Variants in HSCB observed in about 807,000 individuals in gnomAD.
The protein encoded by HSCB is HscB mitochondrial iron-sulfur cluster cochaperone.
Under a neutral mutation model 31.3 loss-of-function variants are expected in HSCB, and 23 were observed. The ratio of observed to expected loss-of-function variants is 0.74; its 90% CI spans 0.53 to 1.04. The LOEUF is 1.04. Among genes scored for constraint, HSCB ranks in the 50% least tolerant of loss-of-function variants. The probability of loss-of-function intolerance (pLI) is 0.00; values close to 1 mark genes in which losing one functional copy is unlikely to be tolerated. For missense variants in HSCB, 297 were observed against 288.1 expected, an observed-to-expected ratio of 1.03 and a Z score of -0.22; for synonymous variants, 110 against 104.5, an observed-to-expected ratio of 1.05 and a Z score of -0.32.
chr22:28,748,067 G>C (rs1023396627), intron 4 of HSCB, among the ~76,000 whole-genome samples: 4 of 152,162 alleles, frequency 2.6e-5, no homozygotes, highest in Admixed American at 2.6e-4. Flanking sequence ...CGCCTGTAGT[G>C]CCAGCTACTC....
chr22:28,748,475 T>A (rs1257609156), intron 4 of HSCB, among the ~76,000 whole-genome samples: 1 of 152,022 alleles, frequency 6.6e-6, no homozygotes, highest in African/African-American at 2.4e-5. Flanking sequence ...CCCTTCACTG[T>A]CACTGGAATC....
rs17886090 is a variant in HSCB at position 28,742,313 on chromosome 22, A to G, written c.218A>G (p.Tyr73Cys). ...CAGGCACCTGACCCCACTCGAGACT[A>G]CTTCAGCCTTATGGACTGGTACGAG... ...ALQAPDPTRDYFSLMDCNRSF... is the reference protein window; with the variant it reads ...ALQAPDPTRDCFSLMDCNRSF... The change falls in exon 1 of 6, where the codon TAC becomes TGC. Residue 73 changes from tyrosine to cysteine, a missense_variant. Physicochemically the swap from Tyr to Cys is radical, Grantham distance 194 (BLOSUM62 -2). Transcript: ENST00000216027. 2,931 of 1,613,826 alleles carry G rather than the reference A, an allele frequency of 1.8e-3. 5 individuals are homozygous for G. Among genetic ancestry groups the G allele is most frequent in the Non-Finnish European group, 2.3e-3 (2,695 of 1,179,972 alleles).
Position 28,742,067 on chromosome 22 carries a change from T to A in HSCB, c.-29T>A. 1 of 1,587,076 alleles carries A rather than the reference T, an allele frequency of 6.3e-7. No homozygotes were observed. The highest frequency in any genetic ancestry group is 1.3e-5 in the African/African-American group (1 of 74,512). ...CGCTCTCTTTGCTTTTCCCCACGAG[T>A]GACCACGGCTAGATAGGCCGCCGGC... On this transcript the variant is annotated 5_prime_UTR_variant, in exon 1 of 6. Transcript: ENST00000216027.
At position 28,756,361 on chromosome 22, in the gene HSCB, C is replaced by T. The variant is rs534793329; in HGVS notation, c.617-717C>T. Among the ~76,000 whole-genome samples, 3 of 152,124 alleles carry T rather than the reference C, an allele frequency of 2.0e-5. No homozygotes were observed. The South Asian group carries it at 6.2e-4, about 32-fold the overall frequency. Reference sequence around the variant, plus strand: ...ACCTGAACTGTAAGCCCCCTGAAGGCAGCTCTATGCCTCAGCACCTGGCAT... The same window carrying T: ...ACCTGAACTGTAAGCCCCCTGAAGGTAGCTCTATGCCTCAGCACCTGGCAT... On this transcript the variant is annotated intron_variant, in intron 5 of 5. Coordinates refer to ENST00000216027, the MANE Select transcript of HSCB (RefSeq NM_172002.5).
At chr22:28,746,898 C>CAA (rs71194793) in intron 4 of HSCB, among the ~76,000 whole-genome samples, 1 of 124,754 alleles carries the variant, frequency 8.0e-6, no homozygotes, top group Admixed American at 8.0e-5. Context: ...GACTCCGTCT[C>CAA]AAAAAAAAAA....
In HSCB at chr22:28,742,058, C is replaced by T. The variant is rs747981147; in HGVS notation, c.-38C>T. The T allele has an allele frequency of 3.8e-6, 6 of 1,574,000 alleles. No homozygotes were observed. In the African/African-American group the frequency reaches 5.4e-5, roughly 14 times the overall value. The stretch of plus-strand genomic sequence containing the variant: ...CTGGTTAGACGCTCTCTTTGCTTTT[C>T]CCCACGAGTGACCACGGCTAGATAG... On this transcript the variant is annotated 5_prime_UTR_variant, in exon 1 of 6. Transcript: ENST00000216027.
chr22:28,752,099 CA>C (rs993515685), intron 5 of HSCB, among the ~76,000 whole-genome samples: 2 of 135,816 alleles, frequency 1.5e-5, no homozygotes, highest in Non-Finnish European at 1.6e-5. Context: ...TCAAAACAAA[CA>C]AAAAAAAAAC....
At chr22:28,751,052 A>G (rs1242264891) in intron 4 of HSCB, among the ~76,000 whole-genome samples, 189 bp from the exon 5 acceptor site, 1 of 149,078 alleles carries the variant, frequency 6.7e-6, no homozygotes, top group African/African-American at 2.5e-5. Flanking sequence ...ATTAGGGTAA[A>G]CCAGAGTTGT....
chr22:28,748,263 G>A (rs1279565242), intron 4 of HSCB, among the ~76,000 whole-genome samples: 2 of 152,150 alleles, frequency 1.3e-5, no homozygotes, highest in African/African-American at 4.8e-5. Flanking sequence ...ATTCTGAGGA[G>A]GCCTTAACAA....
In HSCB at chr22:28,757,222, C is replaced by T; in HGVS notation, c.*53C>T. On this transcript the variant is annotated 3_prime_UTR_variant, in exon 6 of 6. Coordinates refer to ENST00000216027, the MANE Select transcript of HSCB (RefSeq NM_172002.5). ...AAAGTTCTTGCTGGGCACAGTGGCT[C>T]ACACCTGTAATCCCAGCACTTTGGG... is the stretch of plus-strand genomic sequence containing the variant. 1.1e-6 allele frequency: 1 copy of T among 943,780 alleles called. No homozygotes were observed. The highest frequency in any genetic ancestry group is 1.7e-6 in the Non-Finnish European group (1 of 586,176). The allele number at this position is 943,780 out of a possible 1,614,324, so 58.5% of individuals were successfully genotyped here. A position where few individuals can be genotyped will look rare whatever the true frequency, so the allele number is the denominator to read the frequency against.
intron 1 of HSCB, chr22:28,742,582 G>A (rs867763570): frequency 1.9e-6 from 1 of 539,532 alleles, no homozygotes; most frequent in Non-Finnish European, 3.1e-6. Flanking sequence ...GCTGAAGTTA[G>A]AGGAAATAGG....
chr22:28,742,188 G>A lies in HSCB; in HGVS notation c.93G>A (p.Ala31=). 1 of 1,613,912 alleles carries A rather than the reference G, an allele frequency of 6.2e-7. No homozygotes were observed. The highest frequency in any genetic ancestry group is 8.5e-7 in the Non-Finnish European group (1 of 1,179,970). Residue 31 remains alanine, a synonymous_variant, in exon 1 of 6, where the codon GCG becomes GCA. Transcript: ENST00000216027. ...PRRRPLSCDA[A]SQAGSNYPRC... ...GGAGACCGCTAAGCTGCGATGCTGC[G>A]TCGCAGGCGGGAAGCAATTATCCCC...
chr22:28,752,967 T>C (rs1178697021), intron 5 of HSCB, among the ~76,000 whole-genome samples: 1 of 151,138 alleles, frequency 6.6e-6, no homozygotes, highest in Non-Finnish European at 1.5e-5. Context: ...TAATCCCAGC[T>C]ACTCCGAAGG....
chr22:28,745,642 CCCAAGATCACA>C (rs1569183948), intron 3 of HSCB: 1 of 384,238 alleles, frequency 2.6e-6, no homozygotes, highest in Non-Finnish European at 4.6e-6. Context: ...GAATGACTAC[CCCAAGATCACA>C]CCAAGGTCAC....
rs762090982 is a variant in HSCB, at chr22:28,744,644, G to A, written c.363G>A (p.Ser121=). Residue 121 remains serine (S), a synonymous_variant, in exon 3 of 6, where the codon TCG becomes TCA. Coordinates refer to ENST00000216027, the MANE Select transcript of HSCB (RefSeq NM_172002.5). ...QTEKDFSEKH[S]TLVNDAYKTL... ...AAAAGGACTTCTCAGAGAAGCATTC[G>A]ACCCTGGTGAATGATGCCTATAAGA... 9 of 1,613,656 alleles carry A rather than the reference G, an allele frequency of 5.6e-6. No homozygotes were observed. The highest frequency in any genetic ancestry group is 6.8e-6 in the Non-Finnish European group (8 of 1,179,698).
chr22:28,746,687 G>A (rs1414988509), intron 4 of HSCB, among the ~76,000 whole-genome samples: 1 of 152,016 alleles, frequency 6.6e-6, no homozygotes, highest in African/African-American at 2.4e-5. Flanking sequence ...GTCACCTGAG[G>A]TTGGGAGTTC....
At chr22:28,752,854 G>A (rs571293304) in intron 5 of HSCB, among the ~76,000 whole-genome samples, 7 of 152,192 alleles carry the variant, frequency 4.6e-5, no homozygotes, top group Non-Finnish European at 1.0e-4. Flanking sequence ...GCCAAGGTGG[G>A]CGGATCACAA....
rs1285748311 is a variant in HSCB at position 28,748,875 on chromosome 22, T to TA, written c.569-2365dup. Among the ~76,000 whole-genome samples the TA allele has an allele frequency of 6.6e-5, 10 of 152,122 alleles. No homozygotes were observed. In the East Asian group the frequency reaches 1.9e-3, roughly 29 times the overall value. ...TTTCAATTGACCAGGTGTGATGGCT[T>TA]ACGCCTGTAATCCAAGCACTTTGGG... On this transcript the variant is annotated intron_variant, in intron 4 of 5. Coordinates refer to ENST00000216027, the MANE Select transcript of HSCB (RefSeq NM_172002.5).
intron 4 of HSCB, among the ~76,000 whole-genome samples, chr22:28,750,954 T>TTTTTTTTTTTTTTTTA: frequency 7.0e-6 from 1 of 143,190 alleles, no homozygotes; most frequent in African/African-American, 2.6e-5. Context: ...TCTTTTTTTT[T>TTTTTTTTTTTTTTTTA]TTTTTTTTTT....
Sources: gnomAD v4.1 joint callset for allele counts (sites outside exome capture counted in the v4.1 genomes callset) on GRCh38, gnomAD v4.1.1 for gene constraint, MANE v1.5 for transcripts, NCBI Gene and HGNC (gene_info 2026-07-23, HGNC 2026-07-21) for gene names.